Variants in CHSY3 observed in about 807,000 individuals in gnomAD.
CHSY3 encodes the protein N-acetylgalactosaminyl-proteoglycan 3-beta-glucuronosyltransferase 3.
CHSY3 carries 35 observed loss-of-function variants against 67.2 expected under a neutral mutation model. The observed-to-expected ratio is 0.52, with a 90% CI of 0.40 to 0.69. The LOEUF is 0.69. CHSY3 is among the 30% of genes least tolerant of loss of function. The pLI is 0.00. For missense variants in CHSY3, 1,069 were observed against 1,138.5 expected, an observed-to-expected ratio of 0.94 and a Z score of 0.88; for synonymous variants, 474 against 434.7, an observed-to-expected ratio of 1.09 and a Z score of -1.12.
intron 2 of CHSY3, among the ~76,000 whole-genome samples, chr5:130,083,424 G>A (rs1766507081): frequency 6.6e-6 from 1 of 151,982 alleles, no homozygotes. Flanking sequence ...GTATGCATAG[G>A]AAAATACACC....
intron 2 of CHSY3, among the ~76,000 whole-genome samples, chr5:130,165,165 C>T (rs1365001827): frequency 6.6e-6 from 1 of 152,100 alleles, no homozygotes; most frequent in Non-Finnish European, 1.5e-5. Context: ...AAAGATGCCT[C>T]ATGTTGCATC....
intron 2 of CHSY3, among the ~76,000 whole-genome samples, chr5:130,181,678 T>C (rs925880131): frequency 6.6e-6 from 1 of 152,124 alleles, no homozygotes; most frequent in African/African-American, 2.4e-5. Flanking sequence ...TAAAAGAACA[T>C]TACCAGCACT....
In CHSY3 at chr5:129,904,616, C is replaced by T. The variant is rs890644400; in HGVS notation, c.-214C>T. 1.2e-5 allele frequency: 9 copies of T among 737,902 alleles called. No homozygotes were observed. In the African/African-American group the frequency reaches 1.5e-4, roughly 12 times the overall value. The allele number at this position is 737,902 out of a possible 1,614,324, so 45.7% of individuals were successfully genotyped here. The stretch of plus-strand genomic sequence containing the variant: ...CACTCCCGACCCTTGCTCGGAGCCC[C>T]GGCCCAGAGCTGAGCGGGAGCCCGG... On this transcript the variant is annotated 5_prime_UTR_variant, in exon 1 of 3. Coordinates refer to ENST00000305031, the MANE Select transcript of CHSY3 (RefSeq NM_175856.5).
intron 2 of CHSY3, among the ~76,000 whole-genome samples, chr5:129,918,903 C>T (rs1383680151): frequency 3.4e-5 from 5 of 145,716 alleles, no homozygotes; most frequent in African/African-American, 1.0e-4. Flanking sequence ...GTCAGGAGAT[C>T]GAGACCATCC....
At chr5:130,095,734 C>T (rs1178504568) in intron 2 of CHSY3, among the ~76,000 whole-genome samples, 1 of 152,204 alleles carries the variant, frequency 6.6e-6, no homozygotes, top group Non-Finnish European at 1.5e-5. Context: ...TAAGCAAAAA[C>T]AGGATATTTG....
At chr5:129,979,896 A>C (rs897721694) in intron 2 of CHSY3, among the ~76,000 whole-genome samples, 15 of 152,294 alleles carry the variant, frequency 9.8e-5, no homozygotes, top group African/African-American at 3.6e-4. Flanking sequence ...TGTGCATTTA[A>C]GATTCTCCTA....
At chr5:130,067,822 G>A (rs117617951) in intron 2 of CHSY3, among the ~76,000 whole-genome samples, 20 of 152,144 alleles carry the variant, frequency 1.3e-4, no homozygotes, top group South Asian at 4.1e-4. Context: ...TATTTTATTC[G>A]TCTCTGGGTT....
At chr5:130,037,940 C>T (rs973349825) in intron 2 of CHSY3, among the ~76,000 whole-genome samples, 1 of 151,944 alleles carries the variant, frequency 6.6e-6, no homozygotes, top group Non-Finnish European at 1.5e-5. Flanking sequence ...ATCACTTATC[C>T]TCTTGACCCT....
chr5:130,174,479 C>G (rs1297843932), intron 2 of CHSY3, among the ~76,000 whole-genome samples: 1 of 151,982 alleles, frequency 6.6e-6, no homozygotes, highest in Admixed American at 6.6e-5. Flanking sequence ...AATTTAGTTT[C>G]TTAGTTCTCA....
chr5:130,160,786 T>C (rs761433666), intron 2 of CHSY3, among the ~76,000 whole-genome samples: 2 of 152,156 alleles, frequency 1.3e-5, no homozygotes, highest in African/African-American at 4.8e-5. Context: ...GAGGGGTGTG[T>C]GACCAGTAAA....
chr5:130,046,378 A>G (rs865925190), intron 2 of CHSY3, among the ~76,000 whole-genome samples: 2 of 152,166 alleles, frequency 1.3e-5, no homozygotes, highest in African/African-American at 4.8e-5. Context: ...GAGGAATGTT[A>G]TCATGAAAAT....
chr5:129,984,386 TTCCGTG>T (rs1162224305), intron 2 of CHSY3, among the ~76,000 whole-genome samples: 3 of 152,142 alleles, frequency 2.0e-5, no homozygotes, highest in African/African-American at 7.2e-5. Flanking sequence ...CTGTGTAGTA[TTCCGTG>T]GTGTATATGT....
chr5:130,138,178 G>A (rs1297514376), intron 2 of CHSY3, among the ~76,000 whole-genome samples: 2 of 152,144 alleles, frequency 1.3e-5, no homozygotes, highest in African/African-American at 2.4e-5. Context: ...AAGAATAGAA[G>A]CTCCTTGGGC....
intron 2 of CHSY3, among the ~76,000 whole-genome samples, chr5:130,077,119 A>C (rs1318507289): frequency 6.6e-6 from 1 of 151,650 alleles, no homozygotes; most frequent in Non-Finnish European, 1.5e-5. Flanking sequence ...AAAATTTAAG[A>C]AAAAAAATTT....
intron 2 of CHSY3, among the ~76,000 whole-genome samples, chr5:129,990,377 A>AGTGAGT (rs1554075037): frequency 1.4e-5 from 2 of 147,476 alleles, no homozygotes; most frequent in African/African-American, 2.5e-5. Flanking sequence ...TGAGTGAGTG[A>AGTGAGT]GTGTGTGTGT....
chr5:130,069,566 G>A (rs1379325295), intron 2 of CHSY3, among the ~76,000 whole-genome samples: 1 of 151,820 alleles, frequency 6.6e-6, no homozygotes, highest in East Asian at 1.9e-4. Flanking sequence ...TTTTTGACAT[G>A]CCATGGCCTA....
At chr5:130,050,034 G>GGT (rs953014630) in intron 2 of CHSY3, among the ~76,000 whole-genome samples, 3 of 151,930 alleles carry the variant, frequency 2.0e-5, no homozygotes, top group African/African-American at 7.2e-5. Flanking sequence ...GAAACTTGTA[G>GGT]GTATGCCTGT....
intron 2 of CHSY3, among the ~76,000 whole-genome samples, chr5:129,960,865 C>T (rs1762310751): frequency 6.6e-6 from 1 of 151,966 alleles, no homozygotes; most frequent in Non-Finnish European, 1.5e-5. Context: ...TAAAAGACTG[C>T]CCTTGTAATT....
intron 2 of CHSY3, among the ~76,000 whole-genome samples, chr5:130,031,235 A>G (rs1371765747): frequency 6.6e-6 from 1 of 152,232 alleles, no homozygotes; most frequent in South Asian, 2.1e-4. Context: ...TATTTTTGCT[A>G]ACACATGAGA....
Sources: gnomAD v4.1 joint callset for allele counts (sites outside exome capture counted in the v4.1 genomes callset) on GRCh38, gnomAD v4.1.1 for gene constraint, MANE v1.5 for transcripts, NCBI Gene and HGNC (gene_info 2026-07-23, HGNC 2026-07-21) for gene names.